The following EML1 variants were observed in gnomAD, a reference collection of about 807,000 sequenced individuals.
EML1 encodes echinoderm microtubule-associated protein-like 1.
In EML1, 27 loss-of-function variants were observed where a neutral mutation model predicts 110.4. The observed-to-expected ratio is 0.24, with a 90% CI of 0.18 to 0.34. The LOEUF (loss-of-function observed/expected upper bound fraction) is 0.34, where lower values mean the gene tolerates loss of function less well. EML1 is among the 10% of genes least tolerant of loss of function. The probability of loss-of-function intolerance (pLI) is 1.00; values close to 1 mark genes in which losing one functional copy is unlikely to be tolerated. For missense variants in EML1, 741 were observed against 1,030.9 expected (o/e 0.72, Z 3.85); for synonymous variants, 344 against 385.8 (o/e 0.89, Z 1.27).
chr14:99,875,351 G>A (rs772123226), intron 3 of EML1, among the ~76,000 whole-genome samples: 6 of 152,168 alleles, frequency 3.9e-5, no homozygotes, highest in Non-Finnish European at 7.3e-5. Flanking sequence ...GGGGATTTGT[G>A]AGGTTTGAAT....
chr14:99,745,348 G>T (rs1011423457), intron 1 of EML1, among the ~76,000 whole-genome samples: 1 of 152,224 alleles, frequency 6.6e-6, no homozygotes, highest in African/African-American at 2.4e-5. Flanking sequence ...TCACAGGCAT[G>T]AGCCATCATC....
chr14:99,906,819 C>T, intron 9 of EML1: 1 of 152,442 alleles, frequency 6.6e-6, no homozygotes, highest in Non-Finnish European at 1.5e-5. Flanking sequence ...CAGGCTTCCT[C>T]AGGACGTGCT....
chr14:99,848,958 G>A (rs1466784963), intron 1 of EML1, among the ~76,000 whole-genome samples: 1 of 74,322 alleles, frequency 1.3e-5, no homozygotes, highest in African/African-American at 6.1e-5. Context: ...GTAAGACCCT[G>A]TCAAAAAAAA....
chr14:99,847,722 T>C (rs1566895738), intron 1 of EML1, among the ~76,000 whole-genome samples: 2 of 152,224 alleles, frequency 1.3e-5, no homozygotes, highest in South Asian at 2.1e-4. Flanking sequence ...GCAGTGTTTT[T>C]CTGATAATTG....
intron 1 of EML1, among the ~76,000 whole-genome samples, chr14:99,805,520 G>T (rs1352666823): frequency 6.6e-6 from 1 of 152,002 alleles, no homozygotes; most frequent in East Asian, 1.9e-4. Context: ...TGTTGCCCAG[G>T]CTGGAGCGCA....
intron 17 of EML1, among the ~76,000 whole-genome samples, chr14:99,928,835 G>C (rs1010146740): frequency 1.3e-5 from 2 of 152,168 alleles, no homozygotes; most frequent in African/African-American, 2.4e-5. Flanking sequence ...CAACTGCTCA[G>C]CCCCCTTGGC....
chr14:99,793,267 C>A, upstream of EML1: 4 of 932,584 alleles, frequency 4.3e-6, no homozygotes, highest in Non-Finnish European at 5.1e-6. Context: ...GCCGCCGAGG[C>A]CGCCCCCTCG....
chr14:99,939,469 G>C lies in EML1; in HGVS notation c.2322+142G>C. 1 of 1,373,910 alleles carries C rather than the reference G, an allele frequency of 7.3e-7. No homozygotes were observed. Among genetic ancestry groups the C allele is most frequent in the Non-Finnish European group, 9.8e-7 (1 of 1,021,944 alleles). 85.1% of individuals were successfully genotyped at this position (1,373,910 alleles called of 1,614,324 possible). A position where few individuals can be genotyped will look rare whatever the true frequency, so the allele number is the denominator to read the frequency against. ...GATGTGACTCTGTTCTTTGCGCCCTGAGCACTTCCAGCCGCCCTTAGGGAA... is the reference window on the plus strand; with the variant it reads ...GATGTGACTCTGTTCTTTGCGCCCTCAGCACTTCCAGCCGCCCTTAGGGAA... On this transcript the variant is annotated intron_variant, in intron 21 of 21. Coordinates refer to ENST00000262233, the MANE Select transcript of EML1 (RefSeq NM_004434.3). The surrounding 1 kb of genome is among the most constrained non-coding windows in gnomAD (Gnocchi z 4.2).
At chr14:99,875,495 T>C (rs553321682) in intron 3 of EML1, among the ~76,000 whole-genome samples, 1 of 152,278 alleles carries the variant, frequency 6.6e-6, no homozygotes, top group Admixed American at 6.5e-5. Context: ...TATTAGAAAA[T>C]CAGTTAGTGT....
At chr14:99,817,437 C>T (rs73354568) in intron 1 of EML1, among the ~76,000 whole-genome samples, 1,708 of 152,296 alleles carry the variant, frequency 0.011, 29 homozygotes, top group African/African-American at 0.039. Context: ...TTGTAGGTGG[C>T]AGTGAAGAAG....
intron 1 of EML1, among the ~76,000 whole-genome samples, chr14:99,755,170 G>T (rs974413564): frequency 6.6e-6 from 1 of 152,234 alleles, no homozygotes; most frequent in Admixed American, 6.5e-5. Context: ...GCAACCAAAG[G>T]GTGGCATGAA....
In EML1 at chr14:99,935,071, C is replaced by T. The variant is rs180835991; in HGVS notation, c.1910-958C>T. ...AACCCGTGTGTTCAGTGAGGAGCAA[C>T]GTGGCTAGAAGGCTGTCCTGGTGGG... On this transcript the variant is annotated intron_variant, in intron 17 of 21. Transcript: ENST00000262233. Among the ~76,000 whole-genome samples the T allele has an allele frequency of 5.9e-4, 90 of 152,284 alleles. No homozygotes were observed. The East Asian group carries it at 0.015, about 25-fold the overall frequency.
intron 1 of EML1, among the ~76,000 whole-genome samples, chr14:99,793,910 C>T (rs971338012): frequency 2.6e-5 from 4 of 151,928 alleles, no homozygotes; most frequent in African/African-American, 9.6e-5. Context: ...TTTTTGCTTC[C>T]CGACCCACAT....
chr14:99,831,274 A>G (rs184074800), intron 1 of EML1, among the ~76,000 whole-genome samples: 3 of 151,752 alleles, frequency 2.0e-5, no homozygotes, highest in Non-Finnish European at 4.4e-5. Flanking sequence ...AGATCTGAAT[A>G]TTCCGCAAAA....
upstream of EML1, among the ~76,000 whole-genome samples, chr14:99,772,074 G>A (rs1368515457): frequency 6.6e-6 from 1 of 152,218 alleles, no homozygotes; most frequent in Non-Finnish European, 1.5e-5. Context: ...CTCTTTGTGA[G>A]TGGAGTGATT....
intron 1 of EML1, among the ~76,000 whole-genome samples, chr14:99,812,663 G>T (rs1595324854): frequency 6.6e-6 from 1 of 152,118 alleles, no homozygotes; most frequent in South Asian, 2.1e-4. Context: ...TTGGAAGCAG[G>T]TGGGGTAGGG....
chr14:99,825,214 G>C (rs950542687), intron 1 of EML1, among the ~76,000 whole-genome samples: 2 of 152,110 alleles, frequency 1.3e-5, no homozygotes, highest in Non-Finnish European at 2.9e-5. Context: ...TTGAACTCCT[G>C]GGCTCAAATG....
At chr14:99,858,087 C>G (rs925764266) in intron 2 of EML1, among the ~76,000 whole-genome samples, 3 of 151,976 alleles carry the variant, frequency 2.0e-5, no homozygotes, top group Non-Finnish European at 4.4e-5. Flanking sequence ...ACAGTAGATA[C>G]AAAGTAGCAT....
intron 3 of EML1, among the ~76,000 whole-genome samples, chr14:99,873,304 C>T (rs1464677195): frequency 1.3e-5 from 2 of 152,196 alleles, no homozygotes; most frequent in Non-Finnish European, 2.9e-5. Context: ...ATATCTCTTG[C>T]TTCCAAACAA....
Sources: gnomAD v4.1 joint callset for allele counts (sites outside exome capture counted in the v4.1 genomes callset) on GRCh38, gnomAD v4.1.1 for gene constraint, Gnocchi (gnomAD v3.1) non-coding constraint, MANE v1.5 for transcripts, NCBI Gene and HGNC (gene_info 2026-07-23, HGNC 2026-07-21) for gene names.